KCNK12: variants seen among roughly 807,000 people sequenced by gnomAD.
The protein encoded by KCNK12 is potassium channel subfamily K member 12.
Under a neutral mutation model 25.3 loss-of-function variants are expected in KCNK12, and 6 were observed. The observed-to-expected ratio is 0.24, with a 90% CI of 0.13 to 0.47. The LOEUF is 0.47. Ranked by LOEUF, KCNK12 falls within the 20% of genes least tolerant of loss-of-function variation. KCNK12 has a pLI of 0.99. For synonymous variants in KCNK12, 331 were observed against 311.1 expected (o/e 1.06, Z -0.67); for missense variants, 444 against 661.7 (o/e 0.67, Z 3.61).
intron 1 of KCNK12, among the ~76,000 whole-genome samples, chr2:47,534,432 G>GCCCCC (rs11406660): frequency 3.4e-5 from 4 of 117,300 alleles, no homozygotes; most frequent in Admixed American, 9.2e-5. Flanking sequence ...CCGTCTCCAG[G>GCCCCC]CCCCCCCCAC....
Position 47,547,595 on chromosome 2 carries a change from T to C in KCNK12, c.391+22346A>G, listed in dbSNP as rs1013511240. Among the ~76,000 whole-genome samples, 4 of 136,120 alleles carry C rather than the reference T, an allele frequency of 2.9e-5. No individual in the cohort carries two copies. The highest frequency in any genetic ancestry group is 9.9e-5 in the African/African-American group (4 of 40,244). The allele number at this position is 136,120 out of a possible 152,430, so 89.3% of individuals were successfully genotyped here. A position where few individuals can be genotyped will look rare whatever the true frequency, so the allele number is the denominator to read the frequency against. ...CCTAGCTGACATTGGCAGGGCTTTA[T>C]TTATTTATTTATTTACTTTTGAGAT... On this transcript the variant is annotated intron_variant, in intron 1 of 1. Coordinates refer to ENST00000327876, the MANE Select transcript of KCNK12 (RefSeq NM_022055.2). This position sits in a 1 kb window ranked among gnomAD's most constrained non-coding sequence, Gnocchi z 5.0.
intron 1 of KCNK12, among the ~76,000 whole-genome samples, chr2:47,543,075 G>A (rs927492099): frequency 6.6e-6 from 1 of 152,104 alleles, no homozygotes; most frequent in Non-Finnish European, 1.5e-5. Flanking sequence ...GACTGTAGGT[G>A]TGCACTACTG....
Position 47,518,645 on chromosome 2 carries a change from T to G in KCNK12, c.*2262A>C, listed in dbSNP as rs1668578065. On this transcript the variant is annotated 3_prime_UTR_variant, in exon 2 of 2. Coordinates refer to ENST00000327876, the MANE Select transcript of KCNK12 (RefSeq NM_022055.2). This position sits in a 1 kb window ranked among gnomAD's most constrained non-coding sequence, Gnocchi z 4.1. ...CTGGGCGGGGGATTGCCTGGAGGTT[T>G]CTTTAGACCTGTCTAGCTCACACAG... 6.6e-6 allele frequency: 1 copy of G among 152,402 alleles called. No homozygotes were observed. The highest frequency in any genetic ancestry group is 1.5e-5 in the Non-Finnish European group (1 of 68,196). The allele number at this position is 152,402 out of a possible 1,614,324, so 9.4% of individuals were successfully genotyped here.
rs2104881182 is a variant in KCNK12 at position 47,560,410 on chromosome 2, A to G, written c.391+9531T>C. On this transcript the variant is annotated intron_variant, in intron 1 of 1. Transcript: ENST00000327876. This position sits in a 1 kb window ranked among gnomAD's most constrained non-coding sequence, Gnocchi z 4.7. ...ACTGCCAGAAGCACAGCACAGCCAA[A>G]TCCCAGAGTCCCCAAACTGTGCTTC... 6.6e-6 allele frequency among the ~76,000 whole-genome samples: 1 copy of G among 152,242 alleles called. No individual in the cohort carries two copies. Among genetic ancestry groups the G allele is most frequent in the South Asian group, 2.1e-4 (1 of 4,824 alleles).
Position 47,510,628 on chromosome 2 carries a change from C to T in KCNK12, c.*10279G>A, listed in dbSNP as rs920605633. On this transcript the variant is annotated 3_prime_UTR_variant, in exon 2 of 2. Coordinates refer to ENST00000327876, the MANE Select transcript of KCNK12 (RefSeq NM_022055.2). ...AGCTATGAATATGACCAACTCTCGTCGTTTATCTCTATTCAGTGGAACACA... is the reference window on the plus strand; with the variant it reads ...AGCTATGAATATGACCAACTCTCGTTGTTTATCTCTATTCAGTGGAACACA... Among the ~76,000 whole-genome samples the T allele has an allele frequency of 2.0e-5, 3 of 152,142 alleles. No individual in the cohort carries two copies. Among genetic ancestry groups the T allele is most frequent in the Non-Finnish European group, 4.4e-5 (3 of 68,040 alleles).
Position 47,544,209 on chromosome 2 carries a change from T to C in KCNK12, c.392-22401A>G, listed in dbSNP as rs553771234. Among the ~76,000 whole-genome samples the C allele has an allele frequency of 8.5e-5, 13 of 152,212 alleles. No individual in the cohort carries two copies. The South Asian group carries it at 2.1e-3, about 24-fold the overall frequency. Reference sequence around the variant, plus strand: ...TACTACCCTGTGCCCCCATTCCCCATCAGCATACACGTGGTGTTTCGGGGA... The same window carrying C: ...TACTACCCTGTGCCCCCATTCCCCACCAGCATACACGTGGTGTTTCGGGGA... On this transcript the variant is annotated intron_variant, in intron 1 of 1. Coordinates refer to ENST00000327876, the MANE Select transcript of KCNK12 (RefSeq NM_022055.2).
At chr2:47,541,687 T>G (rs1572595552) in intron 1 of KCNK12, among the ~76,000 whole-genome samples, 1 of 152,054 alleles carries the variant, frequency 6.6e-6, no homozygotes, top group Non-Finnish European at 1.5e-5. Flanking sequence ...ATGGCTGGTG[T>G]CCTCACAGGA....
At chr2:47,526,720 G>A (rs1221254193) in intron 1 of KCNK12, among the ~76,000 whole-genome samples, 3 of 152,266 alleles carry the variant, frequency 2.0e-5, no homozygotes, top group East Asian at 3.9e-4. Context: ...GCGACAGAGC[G>A]AAACTCCGTC....
rs2104911694 is a variant in KCNK12 at position 47,570,148 on chromosome 2, T to C, written c.184A>G (p.Ser62Gly). Reference sequence around the variant, plus strand: ...GCCCGCGCCTCCGCCTCGCCGGGGCTCTCGAGCGCCGAGAAGACTGTGGCA... The same window carrying C: ...GCCCGCGCCTCCGCCTCGCCGGGGCCCTCGAGCGCCGAGAAGACTGTGGCA... Reference protein sequence around the residue: ...AGATVFSALESPGEAEARARW... With the variant: ...AGATVFSALEGPGEAEARARW... The change falls in exon 1 of 2, where the codon AGC becomes GGC. Residue 62 changes from serine (S) to glycine (G), a missense_variant. Physicochemically the swap from Ser to Gly is moderately conservative, Grantham distance 56. Around this residue, in one of 8 missense-constraint regions of KCNK12, gnomAD observed 106 missense variants for 142.2 expected, o/e 0.75. Coordinates refer to ENST00000327876, the MANE Select transcript of KCNK12 (RefSeq NM_022055.2). The C allele has an allele frequency of 6.8e-7, 1 of 1,461,252 alleles. No homozygotes were observed. The allele number at this position is 1,461,252 out of a possible 1,614,324, so 90.5% of individuals were successfully genotyped here.
chr2:47,567,487 A>C (rs1232847930), intron 1 of KCNK12, among the ~76,000 whole-genome samples: 1 of 152,232 alleles, frequency 6.6e-6, no homozygotes, highest in African/African-American at 2.4e-5. Context: ...CCTCATCCAA[A>C]TGCATTTTGC....
chr2:47,554,179 G>A (rs1428764371), intron 1 of KCNK12, among the ~76,000 whole-genome samples: 1 of 152,196 alleles, frequency 6.6e-6, no homozygotes. Context: ...GCTAGGCAAT[G>A]GGAATATAAT....
At position 47,528,771 on chromosome 2, in the gene KCNK12, C is replaced by T. The variant is rs1421095126; in HGVS notation, c.392-6963G>A. Among the ~76,000 whole-genome samples the T allele has an allele frequency of 6.6e-6, 1 of 152,250 alleles. No homozygotes were observed. Among genetic ancestry groups the T allele is most frequent in the Non-Finnish European group, 1.5e-5 (1 of 68,046 alleles). ...GCTCGTTCCCACAGCCTGTCTGGTG[C>T]CGCCTTCGCAAATGGGGCCCTGGTG... On this transcript the variant is annotated intron_variant, in intron 1 of 1. Transcript: ENST00000327876. This position sits in a 1 kb window ranked among gnomAD's most constrained non-coding sequence, Gnocchi z 4.5.
chr2:47,555,555 A>G lies in KCNK12; in HGVS notation c.391+14386T>C, dbSNP rs559916843. 6.6e-6 allele frequency among the ~76,000 whole-genome samples: 1 copy of G among 152,290 alleles called. No homozygotes were observed. The highest frequency in any genetic ancestry group is 6.5e-5 in the Admixed American group (1 of 15,308). The stretch of plus-strand genomic sequence containing the variant: ...TAGAAGTCCAAACTCCTTTTATCTC[A>G]TCATTACTTCACAATTTATCACTCT... On this transcript the variant is annotated intron_variant, in intron 1 of 1. Transcript: ENST00000327876. The surrounding 1 kb of genome is among the most constrained non-coding windows in gnomAD (Gnocchi z 4.5).
chr2:47,561,184 C>T (rs1669661630), intron 1 of KCNK12, among the ~76,000 whole-genome samples: 1 of 152,162 alleles, frequency 6.6e-6, no homozygotes, highest in South Asian at 2.1e-4. Context: ...CTCAGCACAC[C>T]TGGAAACAAG....
intron 1 of KCNK12, among the ~76,000 whole-genome samples, chr2:47,550,067 T>C (rs1283609444): frequency 2.0e-5 from 3 of 152,046 alleles, no homozygotes; most frequent in Non-Finnish European, 2.9e-5. Context: ...TAAAGCACTG[T>C]AACCAAAAAA....
intron 1 of KCNK12, among the ~76,000 whole-genome samples, chr2:47,537,275 C>T (rs1216689795): frequency 2.6e-5 from 4 of 152,116 alleles, no homozygotes; most frequent in East Asian, 3.8e-4. Flanking sequence ...TGTGCACACA[C>T]GCGTACTTAA....
At position 47,517,679 on chromosome 2, in the gene KCNK12, C is replaced by T. The variant is rs1391875290; in HGVS notation, c.*3228G>A. 6.6e-6 allele frequency: 1 copy of T among 152,140 alleles called. No homozygotes were observed. The allele number at this position is 152,140 out of a possible 1,614,324, so 9.4% of individuals were successfully genotyped here. ...AATGAGAGCCTGAGATTGCCTAAGC[C>T]TTCTGATGCCTTCTCCAGGCCTGGA... is the stretch of plus-strand genomic sequence containing the variant. On this transcript the variant is annotated 3_prime_UTR_variant, in exon 2 of 2. Transcript: ENST00000327876. This position sits in a 1 kb window ranked among gnomAD's most constrained non-coding sequence, Gnocchi z 4.1.
chr2:47,557,241 T>C lies in KCNK12; in HGVS notation c.391+12700A>G, dbSNP rs1669568759. ...GGTTCTGTTCTCATGAATGGATTAA[T>C]GTCATCATCACTGGAGTGGGTTGGT... On this transcript the variant is annotated intron_variant, in intron 1 of 1. Coordinates refer to ENST00000327876, the MANE Select transcript of KCNK12 (RefSeq NM_022055.2). The surrounding 1 kb of genome is among the most constrained non-coding windows in gnomAD (Gnocchi z 4.9). Among the ~76,000 whole-genome samples the C allele has an allele frequency of 6.6e-6, 1 of 152,186 alleles. No homozygotes were observed. Among genetic ancestry groups the C allele is most frequent in the African/African-American group, 2.4e-5 (1 of 41,444 alleles).
intron 1 of KCNK12, among the ~76,000 whole-genome samples, chr2:47,535,703 C>T (rs1468182738): frequency 6.6e-6 from 1 of 152,182 alleles, no homozygotes; most frequent in Admixed American, 6.5e-5. Flanking sequence ...AGAAGTAAGG[C>T]AGCACAGGTC....
Sources: gnomAD v4.1 joint callset for allele counts (sites outside exome capture counted in the v4.1 genomes callset) on GRCh38, gnomAD v4.1.1 for gene constraint, gnomAD v4.1.1 regional missense constraint, Gnocchi (gnomAD v3.1) non-coding constraint, MANE v1.5 for transcripts, NCBI Gene and HGNC (gene_info 2026-07-23, HGNC 2026-07-21) for gene names.